Variants in CFAP210 observed in about 807,000 individuals in gnomAD.
CFAP210 encodes cilia- and flagella- associated protein 210.
the CFAP210 span, among the ~76,000 whole-genome samples, chr2:169,682,261 A>G: frequency 2.6e-5 from 4 of 152,128 alleles, no homozygotes; most frequent in African/African-American, 4.8e-5. Flanking sequence ...TAAGTAATGG[A>G]CTCAATCTCC....
At chr2:169,659,948 A>G in the CFAP210 span, among the ~76,000 whole-genome samples, 1 of 152,186 alleles carries the variant, frequency 6.6e-6, no homozygotes, top group South Asian at 2.1e-4. Flanking sequence ...ATAGTTGCTC[A>G]TACTAGCCTC....
At chr2:169,681,008 G>A in the CFAP210 span, 1 of 1,605,886 alleles carries the variant, frequency 6.2e-7, no homozygotes, top group African/African-American at 1.3e-5. Flanking sequence ...AATACTTACT[G>A]CATATGTATT....
the CFAP210 span, among the ~76,000 whole-genome samples, chr2:169,690,184 T>G: frequency 1.3e-5 from 2 of 152,154 alleles, no homozygotes; most frequent in Admixed American, 6.5e-5. Flanking sequence ...AAAACTATGT[T>G]GAAGATTTTT....
At chr2:169,656,743 C>A in the CFAP210 span, among the ~76,000 whole-genome samples, 1 of 151,828 alleles carries the variant, frequency 6.6e-6, no homozygotes, top group Non-Finnish European at 1.5e-5. Context: ...GCAGGCAGAT[C>A]ACCTGAGGTC....
chr2:169,687,749 G>A, the CFAP210 span, among the ~76,000 whole-genome samples: 1 of 152,166 alleles, frequency 6.6e-6, no homozygotes, highest in Non-Finnish European at 1.5e-5. Context: ...AAGGACGGTG[G>A]CCCTCTTCTC....
chr2:169,655,590 C>T, the CFAP210 span, among the ~76,000 whole-genome samples: 1 of 114,668 alleles, frequency 8.7e-6, no homozygotes, highest in Non-Finnish European at 1.9e-5. Flanking sequence ...TTCACAAAGA[C>T]TTTTTATAAT....
the CFAP210 span, among the ~76,000 whole-genome samples, chr2:169,657,226 G>A: frequency 2.6e-5 from 4 of 152,052 alleles, no homozygotes; most frequent in Non-Finnish European, 5.9e-5. Context: ...GATAAAATGG[G>A]AGGGGACAAA....
the CFAP210 span, among the ~76,000 whole-genome samples, chr2:169,683,709 A>G: frequency 6.6e-6 from 1 of 152,248 alleles, no homozygotes; most frequent in African/African-American, 2.4e-5. Flanking sequence ...AAAGCTATGC[A>G]GTGCAAAGTG....
the CFAP210 span, among the ~76,000 whole-genome samples, chr2:169,664,984 T>C: frequency 4.7e-4 from 72 of 152,292 alleles, no homozygotes; most frequent in Non-Finnish European, 7.5e-4. Context: ...CAAGAAAACT[T>C]GGTAGAAAGT....
At chr2:169,694,336 T>C in the CFAP210 span, 1 of 1,613,720 alleles carries the variant, frequency 6.2e-7, no homozygotes. Context: ...ATGATGCTCC[T>C]AGATCTGGAA....
the CFAP210 span, among the ~76,000 whole-genome samples, chr2:169,679,703 A>AAAG: frequency 6.8e-6 from 1 of 146,298 alleles, no homozygotes; most frequent in Non-Finnish European, 1.5e-5. Context: ...AAAAAAAAAA[A>AAAG]GGTGCCAGTG....
chr2:169,672,828 G>C, the CFAP210 span, among the ~76,000 whole-genome samples: 1 of 152,006 alleles, frequency 6.6e-6, no homozygotes, highest in Non-Finnish European at 1.5e-5. Context: ...ACCCAGAAAC[G>C]ACACTTTACC....
chr2:169,670,421 G>A, the CFAP210 span, among the ~76,000 whole-genome samples: 6 of 152,170 alleles, frequency 3.9e-5, no homozygotes, highest in African/African-American at 1.4e-4. Context: ...TTCAGGCACA[G>A]GGCCAGCAGC....
chr2:169,688,880 C>G, the CFAP210 span, among the ~76,000 whole-genome samples: 6 of 152,208 alleles, frequency 3.9e-5, no homozygotes, highest in African/African-American at 1.4e-4. Flanking sequence ...TTCAGCAATG[C>G]CCCACTCTGC....
chr2:169,645,575 A>G, the CFAP210 span: 3 of 328,550 alleles, frequency 9.1e-6, no homozygotes, highest in Non-Finnish European at 1.7e-5. Context: ...GAACTACACA[A>G]TGGTCATGGC....
the CFAP210 span, chr2:169,658,513 T>C: frequency 6.5e-6 from 1 of 153,832 alleles, no homozygotes. Flanking sequence ...GAAAGGACAA[T>C]ATCTCTTTAG....
chr2:169,672,312 A>G, the CFAP210 span, among the ~76,000 whole-genome samples: 3 of 152,262 alleles, frequency 2.0e-5, no homozygotes, highest in Non-Finnish European at 4.4e-5. Context: ...CATGTTGAAC[A>G]TCTCTATTAG....
At chr2:169,683,034 G>T in the CFAP210 span, among the ~76,000 whole-genome samples, 1 of 152,056 alleles carries the variant, frequency 6.6e-6, no homozygotes, top group Non-Finnish European at 1.5e-5. Flanking sequence ...AAATCACGTG[G>T]TTCCAGAAAG....
At chr2:169,659,872 A>G in the CFAP210 span, among the ~76,000 whole-genome samples, 7 of 152,076 alleles carry the variant, frequency 4.6e-5, no homozygotes, top group Admixed American at 1.3e-4. Flanking sequence ...TCATGGTTCA[A>G]TCTTGATAGG....
Sources: gnomAD v4.1 joint callset for allele counts (sites outside exome capture counted in the v4.1 genomes callset) on GRCh38, gnomAD v4.1.1 for gene constraint, MANE v1.5 for transcripts, NCBI Gene and HGNC (gene_info 2026-07-23, HGNC 2026-07-21) for gene names.